The following ATP6V1G3 variants were observed in gnomAD, a reference collection of about 807,000 sequenced individuals.
The protein encoded by ATP6V1G3 is V-type proton ATPase subunit G 3.
ATP6V1G3 carries 9 observed loss-of-function variants against 9.3 expected under a neutral mutation model. That is an observed-to-expected ratio of 0.97 (90% confidence interval 0.59 to 1.69). ATP6V1G3 has a LOEUF of 1.69. Ranked by LOEUF, ATP6V1G3 falls within the 40% of genes most tolerant of loss-of-function variation. The probability of loss-of-function intolerance (pLI) is 0.00; values close to 1 mark genes in which losing one functional copy is unlikely to be tolerated. For missense variants in ATP6V1G3, 133 were observed against 139.0 expected (o/e 0.96, Z 0.22); for synonymous variants, 43 against 43.8 (o/e 0.98, Z 0.07).
chr1:198,524,519 T>C (rs1659581883), intron 2 of ATP6V1G3, among the ~76,000 whole-genome samples: 1 of 152,216 alleles, frequency 6.6e-6, no homozygotes. Flanking sequence ...TTTAGTTACA[T>C]CATAATTGTA....
intron 1 of ATP6V1G3, among the ~76,000 whole-genome samples, chr1:198,533,742 G>A (rs1310396017): frequency 2.6e-5 from 4 of 152,152 alleles, no homozygotes; most frequent in Non-Finnish European, 5.9e-5. Context: ...AGAAGTATCT[G>A]CTGATAACCA....
chr1:198,526,644 G>A (rs1659665391), intron 2 of ATP6V1G3, among the ~76,000 whole-genome samples: 1 of 152,106 alleles, frequency 6.6e-6, no homozygotes, highest in South Asian at 2.1e-4. Context: ...TTTTTTACAA[G>A]TTGTTTAAAT....
chr1:198,528,974 T>G (rs1659774143), intron 2 of ATP6V1G3, 107 bp downstream of exon 2: 1 of 399,494 alleles, frequency 2.5e-6, no homozygotes, highest in Non-Finnish European at 4.6e-6. Context: ...GAACTATATC[T>G]GCTCAATTGC....
At chr1:198,528,059 A>G (rs1274246348) in intron 2 of ATP6V1G3, among the ~76,000 whole-genome samples, 1 of 152,120 alleles carries the variant, frequency 6.6e-6, no homozygotes, top group African/African-American at 2.4e-5. Flanking sequence ...CAGAACTAAT[A>G]GAGACTAGGG....
At chr1:198,530,912 T>C in intron 1 of ATP6V1G3, among the ~76,000 whole-genome samples, 1 of 152,124 alleles carries the variant, frequency 6.6e-6, no homozygotes, top group East Asian at 1.9e-4. Flanking sequence ...ATAATTATTT[T>C]ACAAAATAAA....
intron 2 of ATP6V1G3, among the ~76,000 whole-genome samples, chr1:198,524,268 GC>G (rs1474377912): frequency 6.6e-6 from 1 of 151,952 alleles, no homozygotes; most frequent in East Asian, 1.9e-4. Flanking sequence ...GGGACTACAG[GC>G]GTGTGCCATG....
chr1:198,536,400 C>T (rs1660115071), intron 1 of ATP6V1G3, among the ~76,000 whole-genome samples: 1 of 152,148 alleles, frequency 6.6e-6, no homozygotes, highest in Non-Finnish European at 1.5e-5. Flanking sequence ...TTCAATACCC[C>T]AAACCTGGAG....
At chr1:198,537,394 C>T (rs909007028) in intron 1 of ATP6V1G3, among the ~76,000 whole-genome samples, 1 of 152,112 alleles carries the variant, frequency 6.6e-6, no homozygotes, top group South Asian at 2.1e-4. Flanking sequence ...CTTTCTCTTT[C>T]CCTCTTTCTC....
intron 1 of ATP6V1G3, among the ~76,000 whole-genome samples, chr1:198,532,507 G>A (rs1030033716): frequency 6.6e-6 from 1 of 152,176 alleles, no homozygotes; most frequent in Non-Finnish European, 1.5e-5. Flanking sequence ...TTGTTTCATG[G>A]AGTTTGTGTT....
At chr1:198,538,528 A>T (rs1660210401) in intron 1 of ATP6V1G3, among the ~76,000 whole-genome samples, 1 of 152,154 alleles carries the variant, frequency 6.6e-6, no homozygotes, top group Admixed American at 6.5e-5. Flanking sequence ...TATCCTCCAT[A>T]ATGAGAAAGC....
At chr1:198,537,664 A>C (rs185255623) in intron 1 of ATP6V1G3, among the ~76,000 whole-genome samples, 3 of 152,310 alleles carry the variant, frequency 2.0e-5, no homozygotes, top group Admixed American at 6.5e-5. Flanking sequence ...GGTTTACTAA[A>C]ATGATAACTA....
intron 2 of ATP6V1G3, 150 bp from the exon 3 acceptor site, chr1:198,523,714 T>C (rs1349152984): frequency 2.9e-6 from 2 of 680,924 alleles, no homozygotes; most frequent in African/African-American, 1.8e-5. Context: ...AGATCATCAA[T>C]GCCATGAGTG....
At chr1:198,540,096 G>T (rs1396744902) in intron 1 of ATP6V1G3, among the ~76,000 whole-genome samples, 1 of 151,940 alleles carries the variant, frequency 6.6e-6, no homozygotes, top group East Asian at 1.9e-4. Context: ...GGTAGAAAAT[G>T]AGAATAAAAT....
chr1:198,536,679 C>T (rs530571960), intron 1 of ATP6V1G3: 27 of 1,599,824 alleles, frequency 1.7e-5, no homozygotes, highest in Non-Finnish European at 2.2e-5. Flanking sequence ...GTCATCTTAC[C>T]AGAAGCAGTC....
intron 2 of ATP6V1G3, among the ~76,000 whole-genome samples, chr1:198,527,788 C>T (rs1168685683): frequency 6.6e-6 from 1 of 151,744 alleles, no homozygotes; most frequent in Non-Finnish European, 1.5e-5. Context: ...AGGCAATATG[C>T]AAAAAACAAT....
At chr1:198,538,677 G>A (rs1445331188) in intron 1 of ATP6V1G3, among the ~76,000 whole-genome samples, 1 of 152,086 alleles carries the variant, frequency 6.6e-6, no homozygotes, top group Non-Finnish European at 1.5e-5. Flanking sequence ...GGCAGAGGCA[G>A]GTGGATCTCT....
chr1:198,527,644 A>C (rs1037820252), intron 2 of ATP6V1G3, among the ~76,000 whole-genome samples: 2 of 152,140 alleles, frequency 1.3e-5, no homozygotes, highest in Non-Finnish European at 2.9e-5. Context: ...TCAAAGAAAA[A>C]AATGTTATTC....
chr1:198,539,728 A>G (rs1321957070), intron 1 of ATP6V1G3, among the ~76,000 whole-genome samples: 2 of 152,230 alleles, frequency 1.3e-5, no homozygotes, highest in African/African-American at 4.8e-5. Context: ...AGGAATAAAG[A>G]TAAGCAATGA....
At chr1:198,528,480 G>A (rs190699999) in intron 2 of ATP6V1G3, among the ~76,000 whole-genome samples, 75 of 152,086 alleles carry the variant, frequency 4.9e-4, no homozygotes, top group African/African-American at 1.7e-3. Context: ...GAGGGTGTCC[G>A]CTCCAAAGGT....
Sources: allele counts gnomAD v4.1 joint callset (sites outside exome capture counted in the v4.1 genomes callset), GRCh38; gene constraint gnomAD v4.1.1; transcripts MANE v1.5; gene names NCBI Gene and HGNC (gene_info 2026-07-23, HGNC 2026-07-21).